Variants in CEMIP2 observed in about 807,000 individuals in gnomAD.
CEMIP2 encodes the protein cell migration inducing hyaluronidase 2.
CEMIP2 carries 79 observed loss-of-function variants against 146.9 expected under a neutral mutation model. The ratio of observed to expected loss-of-function variants is 0.54; its 90% CI spans 0.45 to 0.65. The LOEUF (loss-of-function observed/expected upper bound fraction) is 0.65, where lower values mean the gene tolerates loss of function less well. Ranked by LOEUF, CEMIP2 falls within the 30% of genes least tolerant of loss-of-function variation. The pLI is 0.00. For synonymous variants in CEMIP2, 601 were observed against 606.3 expected, an observed-to-expected ratio of 0.99 and a Z score of 0.13; for missense variants, 1,596 against 1,696.2, an observed-to-expected ratio of 0.94 and a Z score of 1.04.
Position 71,740,176 on chromosome 9 carries a change from G to A in CEMIP2, c.1091C>T (p.Ser364Phe). 6.2e-7 allele frequency: 1 copy of A among 1,613,984 alleles called. No homozygotes were observed. Among genetic ancestry groups the A allele is most frequent in the Non-Finnish European group, 8.5e-7 (1 of 1,180,004 alleles). ...GCTATGATTTTCATAGTTTCTCACGGATTCATTGCAAGAAGTGCTTCCACC... is the reference window on the plus strand; with the variant it reads ...GCTATGATTTTCATAGTTTCTCACGAATTCATTGCAAGAAGTGCTTCCACC... ...IDGGSTSCNESVRNYENHSSG... is the reference protein window; with the variant it reads ...IDGGSTSCNEFVRNYENHSSG... The change falls in exon 5 of 24, where the codon TCC becomes TTC. Residue 364 changes from serine to phenylalanine, a missense_variant. By Grantham distance (155) the Ser-to-Phe change is radical (BLOSUM62 -2). Coordinates refer to ENST00000377044, the MANE Select transcript of CEMIP2 (RefSeq NM_013390.3).
At chr9:71,721,502 G>A (rs1344384801) in intron 12 of CEMIP2, among the ~76,000 whole-genome samples, 2 of 152,128 alleles carry the variant, frequency 1.3e-5, no homozygotes, top group Admixed American at 6.5e-5. Flanking sequence ...GATGTTTGAG[G>A]AATCCTCAAG....
chr9:71,729,976 C>G, intron 9 of CEMIP2, 62 bp from the exon 10 acceptor site: 1 of 1,613,092 alleles, frequency 6.2e-7, no homozygotes, highest in Non-Finnish European at 8.5e-7. Context: ...CCACTAAAAA[C>G]TTCCCCCAAA....
chr9:71,724,837 A>T (rs1396870607), intron 11 of CEMIP2, among the ~76,000 whole-genome samples: 1 of 152,204 alleles, frequency 6.6e-6, no homozygotes, highest in Non-Finnish European at 1.5e-5. Context: ...GAAGAGATGA[A>T]TTATGCTTAT....
intron 1 of CEMIP2, among the ~76,000 whole-genome samples, chr9:71,762,066 A>T (rs1824652106): frequency 6.6e-6 from 1 of 152,084 alleles, no homozygotes; most frequent in African/African-American, 2.4e-5. Flanking sequence ...GACACACTAC[A>T]GAAGTCTTTC....
chr9:71,765,221 G>A (rs1240309853), intron 1 of CEMIP2, among the ~76,000 whole-genome samples: 1 of 152,106 alleles, frequency 6.6e-6, no homozygotes, highest in Non-Finnish European at 1.5e-5. Flanking sequence ...AGATCATTCT[G>A]GAAAGGGCCA....
intron 12 of CEMIP2, among the ~76,000 whole-genome samples, chr9:71,719,573 G>A (rs1419548670): frequency 6.6e-6 from 1 of 152,164 alleles, no homozygotes; most frequent in Admixed American, 6.5e-5. Flanking sequence ...AGACCAGTCA[G>A]AAGGATCTTC....
intron 14 of CEMIP2, among the ~76,000 whole-genome samples, chr9:71,715,627 T>TAG (rs1009400971): frequency 2.4e-5 from 2 of 82,456 alleles, no homozygotes; most frequent in Non-Finnish European, 4.3e-5. Context: ...CCTCTTAAGA[T>TAG]ATATATATAT....
intron 12 of CEMIP2, among the ~76,000 whole-genome samples, chr9:71,719,575 A>T (rs1387611848): frequency 6.6e-6 from 1 of 152,312 alleles, no homozygotes; most frequent in East Asian, 1.9e-4. Flanking sequence ...ACCAGTCAGA[A>T]GGATCTTCAT....
chr9:71,732,631 TATC>T, intron 6 of CEMIP2, 111 bp from the exon 7 acceptor site: 2 of 916,178 alleles, frequency 2.2e-6, no homozygotes, highest in East Asian at 3.3e-5. Context: ...CCTGACAACT[TATC>T]ATCTGCTCCC....
chr9:71,703,441 C>A (rs148005904), intron 18 of CEMIP2, among the ~76,000 whole-genome samples: 1 of 152,138 alleles, frequency 6.6e-6, no homozygotes, highest in Non-Finnish European at 1.5e-5. Context: ...GCATCTGCCA[C>A]GATGTTCATC....
At chr9:71,701,426 G>C (rs1971580) in intron 18 of CEMIP2, among the ~76,000 whole-genome samples, 90,472 of 152,038 alleles carry the variant, frequency 0.6, 27,417 homozygotes, top group East Asian at 0.82. Context: ...TTAGTTTTAA[G>C]AGGATTTGAA....
At position 71,739,296 on chromosome 9, in the gene CEMIP2, G is replaced by A. The variant is rs1823847122; in HGVS notation, c.1204+767C>T. Among the ~76,000 whole-genome samples, 4 of 147,882 alleles carry A rather than the reference G, an allele frequency of 2.7e-5. No homozygotes were observed. In the South Asian group the frequency reaches 8.7e-4, roughly 32 times the overall value. On this transcript the variant is annotated intron_variant, in intron 5 of 23. Transcript: ENST00000377044. ...GGCAGAGAATTGCTTGAACCTGGGA[G>A]GCGGAGGTTGCAGTGAGATCATGCC...
At chr9:71,738,309 T>TG (rs1439182125) in intron 5 of CEMIP2, among the ~76,000 whole-genome samples, 1 of 152,166 alleles carries the variant, frequency 6.6e-6, no homozygotes, top group Non-Finnish European at 1.5e-5. Context: ...GGTCAGGAGT[T>TG]GGAGACCAGC....
intron 18 of CEMIP2, 107 bp downstream of exon 18, chr9:71,704,488 G>T: frequency 8.6e-7 from 1 of 1,167,576 alleles, no homozygotes; most frequent in Non-Finnish European, 1.3e-6. Context: ...AGCAAAGTAT[G>T]TAAAATTGGC....
At chr9:71,692,365 A>ATCTCTCTCTC (rs10683725) in intron 21 of CEMIP2, among the ~76,000 whole-genome samples, 3,983 of 90,434 alleles carry the variant, frequency 0.044, 250 homozygotes, top group African/African-American at 0.13. Flanking sequence ...TCTACCCCCC[A>ATCTCTCTCTC]TCTCTCTCTC....
In CEMIP2 at chr9:71,694,756, T is replaced by C. The variant is rs1460846059; in HGVS notation, c.3598-149A>G. 7 of 600,802 alleles carry C rather than the reference T, an allele frequency of 1.2e-5. No individual in the cohort carries two copies. In the East Asian group the frequency reaches 1.7e-4, roughly 15 times the overall value. The allele number at this position is 600,802 out of a possible 1,614,324, so 37.2% of individuals were successfully genotyped here. On this transcript the variant is annotated intron_variant, in intron 20 of 23. Transcript: ENST00000377044. Reference sequence around the variant, plus strand: ...TATTTCATGACCTAGAATTCCATCTTGATATTCTTAACACAGTAAGTATAT... The same window carrying C: ...TATTTCATGACCTAGAATTCCATCTCGATATTCTTAACACAGTAAGTATAT...
intron 5 of CEMIP2, among the ~76,000 whole-genome samples, chr9:71,738,449 A>G (rs549370396): frequency 6.6e-6 from 1 of 152,208 alleles, no homozygotes; most frequent in African/African-American, 2.4e-5. Context: ...CAGGAGGTAG[A>G]GTCTGCAGTG....
chr9:71,702,284 TG>T (rs1822588371), intron 18 of CEMIP2, among the ~76,000 whole-genome samples: 1 of 132,154 alleles, frequency 7.6e-6, no homozygotes, highest in African/African-American at 2.8e-5. Context: ...AAAAAAATAT[TG>T]TTCACCTAGG....
At chr9:71,762,320 G>A (rs1257943675) in intron 1 of CEMIP2, among the ~76,000 whole-genome samples, 1 of 151,968 alleles carries the variant, frequency 6.6e-6, no homozygotes, top group African/African-American at 2.4e-5. Flanking sequence ...TAGCCGAATA[G>A]GGATACACTG....
Sources: gnomAD v4.1 joint callset for allele counts (sites outside exome capture counted in the v4.1 genomes callset) on GRCh38, gnomAD v4.1.1 for gene constraint, MANE v1.5 for transcripts, NCBI Gene and HGNC (gene_info 2026-07-23, HGNC 2026-07-21) for gene names.